The following KCNH5 variants were observed in gnomAD, a reference collection of about 807,000 sequenced individuals.
KCNH5 encodes potassium voltage-gated channel subfamily H member 5.
A neutral mutation model predicts 96.1 loss-of-function variants in KCNH5; 46 were observed. The observed-to-expected ratio is 0.48, with a 90% confidence interval of 0.38 to 0.61. KCNH5 has a LOEUF of 0.61. KCNH5 is among the 20% of genes least tolerant of loss of function. The pLI is 0.00. For missense variants in KCNH5, 907 were observed against 1,225.8 expected, an observed-to-expected ratio of 0.74 and a Z score of 3.88; for synonymous variants, 439 against 449.8, an observed-to-expected ratio of 0.98 and a Z score of 0.30.
intron 8 of KCNH5, among the ~76,000 whole-genome samples, chr14:62,838,431 C>T (rs1887508368): frequency 6.6e-6 from 1 of 152,068 alleles, no homozygotes; most frequent in Non-Finnish European, 1.5e-5. Context: ...TCTCATAAGC[C>T]CATCATGCCC....
At chr14:62,875,602 A>T (rs571573549) in intron 7 of KCNH5, among the ~76,000 whole-genome samples, 2 of 152,320 alleles carry the variant, frequency 1.3e-5, no homozygotes, top group East Asian at 1.9e-4. Flanking sequence ...TGGGAATATA[A>T]ATTAGTTCAA....
chr14:62,843,202 TAA>T (rs915835228), intron 8 of KCNH5, among the ~76,000 whole-genome samples: 14 of 152,174 alleles, frequency 9.2e-5, no homozygotes, highest in African/African-American at 3.1e-4. Flanking sequence ...TATCTCCTGG[TAA>T]GTGTGCTGCT....
At chr14:62,742,040 T>C (rs1215592848) in intron 10 of KCNH5, among the ~76,000 whole-genome samples, 2 of 152,070 alleles carry the variant, frequency 1.3e-5, no homozygotes, top group African/African-American at 4.8e-5. Context: ...GGCTATAAAA[T>C]TGAACAGTAA....
chr14:62,873,723 T>C (rs1161912511), intron 7 of KCNH5, among the ~76,000 whole-genome samples: 3 of 152,298 alleles, frequency 2.0e-5, no homozygotes, highest in Non-Finnish European at 2.9e-5. Flanking sequence ...CTCCTCAATA[T>C]TTTTCCCCGC....
intron 10 of KCNH5, among the ~76,000 whole-genome samples, chr14:62,754,639 G>A (rs1161768306): frequency 6.6e-6 from 1 of 152,014 alleles, no homozygotes; most frequent in African/African-American, 2.4e-5. Context: ...TTGGGAGGCT[G>A]AGGTGGGCAG....
At chr14:62,877,610 GC>G (rs1888402301) in intron 7 of KCNH5, among the ~76,000 whole-genome samples, 1 of 152,108 alleles carries the variant, frequency 6.6e-6, no homozygotes, top group Non-Finnish European at 1.5e-5. Flanking sequence ...ACAATCACTG[GC>G]CATCAGAGAA....
intron 8 of KCNH5, among the ~76,000 whole-genome samples, chr14:62,802,806 C>A (rs528553051): frequency 6.6e-6 from 1 of 152,112 alleles, no homozygotes; most frequent in Admixed American, 6.6e-5. Flanking sequence ...CAATGCAGAA[C>A]TATGTAGTAA....
chr14:62,734,370 C>A (rs1885112847), intron 10 of KCNH5, among the ~76,000 whole-genome samples: 1 of 152,194 alleles, frequency 6.6e-6, no homozygotes, highest in Admixed American at 6.6e-5. Flanking sequence ...GTTTTAGCAG[C>A]TGGAACTCTC....
chr14:63,025,154 T>C (rs1299655963), intron 1 of KCNH5, among the ~76,000 whole-genome samples: 37 of 152,142 alleles, frequency 2.4e-4, no homozygotes, highest in Non-Finnish European at 4.4e-5. Context: ...ATTCAATAGA[T>C]TTAGAAAAGG....
chr14:62,748,383 A>C (rs1885423895), intron 10 of KCNH5, among the ~76,000 whole-genome samples: 1 of 152,220 alleles, frequency 6.6e-6, no homozygotes, highest in Non-Finnish European at 1.5e-5. Context: ...GGATATCTGG[A>C]CACTCCCAAG....
rs374752391 is a variant in KCNH5 at position 62,802,432 on chromosome 14, G to A, written c.1719C>T (p.Pro573=). ...CTCCAGCATGGTAAATGAGGTCCCC[G>A]GGAGCACAGTGAATGGTTTGGAACT... is the stretch of plus-strand genomic sequence containing the variant. The part of the protein sequence containing the change: ...AVEFQTIHCA[P]GDLIYHAGES... The change falls in exon 9 of 11, where the codon CCC becomes CCT. Residue 573 remains proline, a synonymous_variant. Coordinates refer to ENST00000322893, the MANE Select transcript of KCNH5 (RefSeq NM_139318.5). The A allele has an allele frequency of 4.5e-5, 73 of 1,613,978 alleles. No individual in the cohort carries two copies. The highest frequency in any genetic ancestry group is 5.7e-5 in the Non-Finnish European group (67 of 1,180,012).
intron 6 of KCNH5, among the ~76,000 whole-genome samples, chr14:62,974,194 T>G (rs900932312): frequency 9.2e-5 from 14 of 152,320 alleles, no homozygotes; most frequent in Admixed American, 7.8e-4. Flanking sequence ...TTTCCCAATT[T>G]CATTTTTGAC....
intron 7 of KCNH5, among the ~76,000 whole-genome samples, chr14:62,852,593 GCT>G (rs1491239155): frequency 1.0e-5 from 1 of 98,530 alleles, no homozygotes; most frequent in East Asian, 3.0e-4. Flanking sequence ...AAACTAGAGA[GCT>G]TTTTTTTTTT....
At chr14:62,938,759 C>A (rs898820930) in intron 7 of KCNH5, among the ~76,000 whole-genome samples, 1 of 152,146 alleles carries the variant, frequency 6.6e-6, no homozygotes, top group African/African-American at 2.4e-5. Flanking sequence ...ATATTAAATT[C>A]ATTGGAAAGT....
At chr14:62,949,138 T>C (rs978288805) in intron 7 of KCNH5, among the ~76,000 whole-genome samples, 2 of 152,176 alleles carry the variant, frequency 1.3e-5, no homozygotes, top group African/African-American at 2.4e-5. Context: ...CTATTCAACA[T>C]AGTGTTGGAA....
At chr14:63,037,384 C>T (rs905611243) in intron 1 of KCNH5, among the ~76,000 whole-genome samples, 2 of 152,012 alleles carry the variant, frequency 1.3e-5, no homozygotes, top group East Asian at 1.9e-4. Flanking sequence ...TAGATCCCTG[C>T]CTAGCACATA....
intron 6 of KCNH5, among the ~76,000 whole-genome samples, chr14:62,962,278 C>T (rs115237527): frequency 6.6e-4 from 100 of 152,252 alleles, no homozygotes; most frequent in Middle Eastern, 3.4e-3. Context: ...GTGCCACACG[C>T]GCCTGCCTGA....
Position 62,980,908 on chromosome 14 carries a change from AG to A in KCNH5, c.905del (p.Pro302LeufsTer22). On this transcript the variant is annotated frameshift_variant, in exon 6 of 11. Coordinates refer to ENST00000322893, the MANE Select transcript of KCNH5 (RefSeq NM_139318.5). LOFTEE classifies it high-confidence loss of function. ...TTTCAAAGGCATTGATGATGTCATA[AG>A]GTAAACAAGACAGCAGATCGATCAC... ...WFVIDLLSCL[P>X]YDIINAFENV... The A allele has an allele frequency of 6.2e-7, 1 of 1,614,130 alleles. No homozygotes were observed. The highest frequency in any genetic ancestry group is 8.5e-7 in the Non-Finnish European group (1 of 1,180,018).
At chr14:62,733,172 C>T (rs1440739757) in intron 10 of KCNH5, among the ~76,000 whole-genome samples, 1 of 152,118 alleles carries the variant, frequency 6.6e-6, no homozygotes, top group Non-Finnish European at 1.5e-5. Context: ...ATACAATTAT[C>T]TTGAAATAAT....
Sources: gnomAD v4.1 joint callset for allele counts (sites outside exome capture counted in the v4.1 genomes callset) on GRCh38, gnomAD v4.1.1 for gene constraint, MANE v1.5 for transcripts, NCBI Gene and HGNC (gene_info 2026-07-23, HGNC 2026-07-21) for gene names.